The following ANKFN1 variants were observed in gnomAD, a reference collection of about 807,000 sequenced individuals.
ANKFN1 encodes the protein ankyrin repeat and fibronectin type III domain containing 1.
A neutral mutation model predicts 108.7 loss-of-function variants in ANKFN1; 74 were observed. That is an observed-to-expected ratio of 0.68 (90% CI 0.56 to 0.83). The LOEUF (loss-of-function observed/expected upper bound fraction) is 0.83. Ranked by LOEUF, ANKFN1 falls within the 40% of genes least tolerant of loss-of-function variation. The pLI is 0.00. For synonymous variants in ANKFN1, 547 were observed against 516.2 expected (o/e 1.06, Z -0.81); for missense variants, 1,505 against 1,382.3 (o/e 1.09, Z -1.41).
chr17:56,151,676 A>G (rs911339413), upstream of ANKFN1, among the ~76,000 whole-genome samples: 20 of 152,184 alleles, frequency 1.3e-4, no homozygotes, highest in African/African-American at 4.6e-4. Flanking sequence ...TTTCATAGCC[A>G]CAATCTGACC....
In ANKFN1 at chr17:56,092,800, G is replaced by C. The variant is rs1461273025; in HGVS notation, c.288+46475G>C. 2.0e-5 allele frequency among the ~76,000 whole-genome samples: 3 copies of C among 150,862 alleles called. 1 individual carries two copies. The highest frequency in any genetic ancestry group is 3.0e-5 in the Non-Finnish European group (2 of 67,560). On this transcript the variant is annotated intron_variant, in intron 4 of 12. Coordinates refer to the ANKFN1 transcript ENST00000635860. ...TGTTGGCAGAATTCAGTTTCAAGTGGTCGTAGGACTGAAAACCCTTTTTCC... is the reference window on the plus strand; with the variant it reads ...TGTTGGCAGAATTCAGTTTCAAGTGCTCGTAGGACTGAAAACCCTTTTTCC...
intron 3 of ANKFN1, chr17:56,257,794 C>A (rs935270015): frequency 6.6e-6 from 1 of 152,168 alleles, no homozygotes; most frequent in African/African-American, 2.4e-5. Flanking sequence ...TTTTCTCAAG[C>A]AGTATTTGGA....
intron 3 of ANKFN1, among the ~76,000 whole-genome samples, chr17:56,230,138 T>G (rs1181313827): frequency 2.0e-5 from 3 of 152,066 alleles, no homozygotes; most frequent in African/African-American, 7.2e-5. Flanking sequence ...GTCCTGGAAA[T>G]GTATATGCAA....
intron 3 of ANKFN1, among the ~76,000 whole-genome samples, chr17:56,258,701 G>A (rs2043422459): frequency 6.6e-6 from 1 of 152,144 alleles, no homozygotes; most frequent in African/African-American, 2.4e-5. Context: ...ACGAGGTCAG[G>A]AGATCGAGAC....
At chr17:56,123,479 C>T (rs955621561) in intron 4 of ANKFN1, among the ~76,000 whole-genome samples, 4 of 152,114 alleles carry the variant, frequency 2.6e-5, no homozygotes, top group Non-Finnish European at 4.4e-5. Context: ...GACCTGTGTT[C>T]GGCAGGTTTA....
intron 4 of ANKFN1, among the ~76,000 whole-genome samples, chr17:56,132,292 C>T (rs765040908): frequency 1.2e-4 from 19 of 152,132 alleles, no homozygotes; most frequent in Non-Finnish European, 1.9e-4. Context: ...GACATTAAAG[C>T]AACTTTGGTG....
intron 3 of ANKFN1, among the ~76,000 whole-genome samples, chr17:56,268,790 AT>A (rs2043719779): frequency 6.6e-6 from 1 of 151,714 alleles, no homozygotes; most frequent in Admixed American, 6.6e-5. Flanking sequence ...CTTTCCCTTT[AT>A]TTTCAACTCA....
intron 3 of ANKFN1, among the ~76,000 whole-genome samples, chr17:56,265,723 T>C (rs936413744): frequency 6.6e-6 from 1 of 152,230 alleles, no homozygotes; most frequent in African/African-American, 2.4e-5. Context: ...TATTTGCATA[T>C]AACATATACA....
chr17:56,383,964 T>C (rs1269597188), intron 8 of ANKFN1, among the ~76,000 whole-genome samples: 3 of 152,136 alleles, frequency 2.0e-5, no homozygotes, highest in Non-Finnish European at 4.4e-5. Flanking sequence ...GGGAATCCTC[T>C]CTAAGTCATT....
In ANKFN1 at chr17:56,155,769, C is replaced by T. The variant is rs190300636; in HGVS notation, c.-71+2239C>T. On this transcript the variant is annotated intron_variant, in intron 1 of 20. Transcript: ENST00000682825. ...AGTGAGATGACACAGATCACAGGGG[C>T]CTTGTAGGTCATGATAGGGACCAAT... 2.6e-5 allele frequency among the ~76,000 whole-genome samples: 4 copies of T among 152,062 alleles called. No individual in the cohort carries two copies. The East Asian group carries it at 5.8e-4, about 22-fold the overall frequency.
At chr17:56,051,436 T>C (rs1217365036) in intron 4 of ANKFN1, among the ~76,000 whole-genome samples, 6 of 124,400 alleles carry the variant, frequency 4.8e-5, no homozygotes, top group East Asian at 4.6e-4. Context: ...ATAAGAGCTA[T>C]CTATGACAAA....
chr17:56,311,932 G>A (rs1428038223), intron 3 of ANKFN1, among the ~76,000 whole-genome samples: 4 of 152,122 alleles, frequency 2.6e-5, no homozygotes, highest in Admixed American at 1.3e-4. Flanking sequence ...TTGTGATATC[G>A]GTGCTGTTAT....
At chr17:56,499,711 T>A (rs1016622477) in intron 20 of ANKFN1, among the ~76,000 whole-genome samples, 4 of 152,078 alleles carry the variant, frequency 2.6e-5, no homozygotes, top group African/African-American at 4.8e-5. Flanking sequence ...GCAAGGCACC[T>A]CTCCACCCTT....
At chr17:56,252,815 T>A (rs1441986440) in intron 3 of ANKFN1, among the ~76,000 whole-genome samples, 1 of 150,058 alleles carries the variant, frequency 6.7e-6, no homozygotes, top group Admixed American at 6.7e-5. Context: ...ATCCCACCAC[T>A]CTTGGAGCCC....
chr17:56,205,454 T>C (rs1244176103), intron 1 of ANKFN1, among the ~76,000 whole-genome samples: 10 of 152,262 alleles, frequency 6.6e-5, no homozygotes, highest in African/African-American at 2.4e-4. Flanking sequence ...GCTCCTGCTC[T>C]CTGCAAAGTT....
chr17:56,453,618 G>A (rs968382917), intron 11 of ANKFN1, among the ~76,000 whole-genome samples: 3 of 151,982 alleles, frequency 2.0e-5, no homozygotes, highest in South Asian at 2.1e-4. Flanking sequence ...TCTTCTTATC[G>A]CTCTCCAATA....
chr17:56,310,812 G>A (rs185269771), intron 3 of ANKFN1, among the ~76,000 whole-genome samples: 10 of 150,992 alleles, frequency 6.6e-5, no homozygotes, highest in Middle Eastern at 3.5e-3. Context: ...AATTTCAAGT[G>A]TACAATTCAG....
At chr17:56,270,927 T>C (rs1210782977) in intron 3 of ANKFN1, among the ~76,000 whole-genome samples, 1 of 152,212 alleles carries the variant, frequency 6.6e-6, no homozygotes, top group Non-Finnish European at 1.5e-5. Flanking sequence ...TAACTTGCTC[T>C]TTAATGTTTA....
chr17:56,161,001 G>A (rs16956815), intron 1 of ANKFN1, among the ~76,000 whole-genome samples: 3,708 of 152,270 alleles, frequency 0.024, 137 homozygotes, highest in African/African-American at 0.084. Flanking sequence ...GGCTCTTTTG[G>A]CCTCTAATAC....
Sources: gnomAD v4.1 joint callset for allele counts (sites outside exome capture counted in the v4.1 genomes callset) on GRCh38, gnomAD v4.1.1 for gene constraint, MANE v1.5 for transcripts, NCBI Gene and HGNC (gene_info 2026-07-23, HGNC 2026-07-21) for gene names.